LINGO2: variants seen among roughly 807,000 people sequenced by gnomAD.
LINGO2 encodes the protein leucine rich repeat and Ig domain containing 2, also known as leucine-rich repeat and immunoglobulin-like domain-containing nogo receptor-interacting protein 2.
Under a neutral mutation model 30.6 loss-of-function variants are expected in LINGO2, and 14 were observed. The observed-to-expected ratio is 0.46, with a 90% CI of 0.30 to 0.72. LINGO2 has a LOEUF of 0.72. Among genes scored for constraint, LINGO2 ranks in the 30% least tolerant of loss-of-function variants. The pLI is 0.07. For synonymous variants in LINGO2, 317 were observed against 288.5 expected, an observed-to-expected ratio of 1.10 and a Z score of -1.00; for missense variants, 729 against 751.7, an observed-to-expected ratio of 0.97 and a Z score of 0.35.
the LINGO2 span, among the ~76,000 whole-genome samples, chr9:29,119,064 C>T: frequency 6.6e-6 from 1 of 152,174 alleles, no homozygotes; most frequent in East Asian, 1.9e-4. Context: ...GCTGAGGACC[C>T]TGAAGCAACC....
chr9:28,344,545 T>C (rs554738603), intron 3 of LINGO2, among the ~76,000 whole-genome samples: 2 of 152,252 alleles, frequency 1.3e-5, no homozygotes, highest in East Asian at 3.9e-4. Context: ...TACATAGAAA[T>C]ATGGAGACTG....
chr9:29,009,008 A>G, the LINGO2 span, among the ~76,000 whole-genome samples: 10 of 152,192 alleles, frequency 6.6e-5, no homozygotes, highest in Non-Finnish European at 1.2e-4. Flanking sequence ...AACTCTCAAT[A>G]AATTAGGTAT....
the LINGO2 span, among the ~76,000 whole-genome samples, chr9:28,993,724 A>G: frequency 2.0e-5 from 3 of 149,928 alleles, no homozygotes; most frequent in Non-Finnish European, 3.0e-5. Context: ...ACGCAAATCA[A>G]TAAATGTAAT....
chr9:28,682,989 A>T, the LINGO2 span, among the ~76,000 whole-genome samples: 1 of 152,096 alleles, frequency 6.6e-6, no homozygotes, highest in Admixed American at 6.6e-5. Flanking sequence ...GATGGTAAGT[A>T]TTCCCACTTT....
intron 1 of LINGO2, among the ~76,000 whole-genome samples, chr9:28,552,872 T>C (rs1236320354): frequency 1.3e-5 from 2 of 151,596 alleles, no homozygotes; most frequent in East Asian, 3.9e-4. Context: ...TACACTATCT[T>C]AGTTTCCAAC....
At chr9:27,966,742 AAAAG>A (rs1820120847) in intron 5 of LINGO2, among the ~76,000 whole-genome samples, 1 of 151,856 alleles carries the variant, frequency 6.6e-6, no homozygotes, top group African/African-American at 2.4e-5. Flanking sequence ...TAAAATTAAA[AAAAG>A]AAAAAAAATA....
chr9:28,938,803 CCTGT>C, the LINGO2 span, among the ~76,000 whole-genome samples: 1 of 151,918 alleles, frequency 6.6e-6, no homozygotes, highest in African/African-American at 2.4e-5. Flanking sequence ...AGAATGTATC[CCTGT>C]CTGTAAGTGA....
chr9:28,553,730 G>C (rs375065611), intron 1 of LINGO2, among the ~76,000 whole-genome samples: 2,507 of 151,922 alleles, frequency 0.017, 55 homozygotes, highest in East Asian at 0.095. Context: ...AGGAAAAAAT[G>C]TTAAGGGCAG....
rs552186822 is a variant in LINGO2 at position 28,300,944 on chromosome 9, G to C, written c.-245-5578C>G. On this transcript the variant is annotated intron_variant, in intron 3 of 5. Transcript: ENST00000379992. ...AAATTGATCCTGATTGGTTTGGCTTGGCCTGGTCAACTTAGAACTCACAAA... is the reference window on the plus strand; with the variant it reads ...AAATTGATCCTGATTGGTTTGGCTTCGCCTGGTCAACTTAGAACTCACAAA... 1.5e-3 allele frequency among the ~76,000 whole-genome samples: 223 copies of C among 151,500 alleles called. 3 individuals are homozygous for C. Among genetic ancestry groups the C allele is most frequent in the African/African-American group, 5.3e-3 (218 of 40,940 alleles).
At chr9:28,653,332 T>C (rs994944228) in intron 1 of LINGO2, among the ~76,000 whole-genome samples, 2 of 152,076 alleles carry the variant, frequency 1.3e-5, no homozygotes, top group African/African-American at 2.4e-5. Context: ...AAAAAGACAA[T>C]GCTAGAGAAT....
At chr9:28,325,787 T>A (rs1193534281) in intron 3 of LINGO2, among the ~76,000 whole-genome samples, 2 of 152,104 alleles carry the variant, frequency 1.3e-5, no homozygotes, top group Non-Finnish European at 2.9e-5. Context: ...AGTGTGAAAA[T>A]GAACTAATAC....
chr9:28,015,310 G>C (rs555012538), intron 4 of LINGO2, among the ~76,000 whole-genome samples: 4 of 152,204 alleles, frequency 2.6e-5, no homozygotes, highest in East Asian at 3.9e-4. Flanking sequence ...TTGAGAAAAG[G>C]TTCCACTTCT....
At chr9:28,257,864 A>G (rs1822433547) in intron 4 of LINGO2, among the ~76,000 whole-genome samples, 1 of 151,828 alleles carries the variant, frequency 6.6e-6, no homozygotes, top group Non-Finnish European at 1.5e-5. Context: ...TCTTCTGTAT[A>G]TTCTAGAGCC....
At chr9:28,336,280 T>C (rs1362113713) in intron 3 of LINGO2, among the ~76,000 whole-genome samples, 2 of 152,152 alleles carry the variant, frequency 1.3e-5, no homozygotes, top group East Asian at 3.9e-4. Flanking sequence ...GTTTTGTTAA[T>C]GTTGAGTTTA....
chr9:28,943,957 C>T, the LINGO2 span, among the ~76,000 whole-genome samples: 1 of 152,180 alleles, frequency 6.6e-6, no homozygotes, highest in African/African-American at 2.4e-5. Flanking sequence ...CGGAAGAATG[C>T]ATGAGTTCAT....
intron 1 of LINGO2, among the ~76,000 whole-genome samples, chr9:28,504,846 A>G (rs1214457437): frequency 6.6e-6 from 1 of 151,888 alleles, no homozygotes; most frequent in African/African-American, 2.4e-5. Context: ...ACAGTGTGGG[A>G]TAAGTGTATT....
chr9:28,598,352 C>G lies in LINGO2; in HGVS notation c.-365+71848G>C, dbSNP rs1192755995. 3.5e-5 allele frequency among the ~76,000 whole-genome samples: 5 copies of G among 142,540 alleles called. No homozygotes were observed. In the South Asian group the frequency reaches 1.1e-3, roughly 32 times the overall value. 93.5% of individuals were successfully genotyped at this position (142,540 alleles called of 152,430 possible). ...TCTCACTTGAGAAAAATAAATAGCT[C>G]AGATGGAATTGTATATCAATAAAGG... On this transcript the variant is annotated intron_variant, in intron 1 of 5. Coordinates refer to ENST00000379992, the Ensembl canonical transcript of LINGO2.
At chr9:28,242,429 A>G (rs987445616) in intron 4 of LINGO2, among the ~76,000 whole-genome samples, 1 of 152,168 alleles carries the variant, frequency 6.6e-6, no homozygotes, top group African/African-American at 2.4e-5. Flanking sequence ...AAAGAGAAAA[A>G]AAATAAAAAG....
At chr9:29,093,695 C>T in the LINGO2 span, among the ~76,000 whole-genome samples, 1 of 136,382 alleles carries the variant, frequency 7.3e-6, no homozygotes, top group Non-Finnish European at 1.6e-5. Context: ...GTCAAGCAAT[C>T]CAGCAGCAGG....
Sources: allele counts gnomAD v4.1 joint callset (sites outside exome capture counted in the v4.1 genomes callset), GRCh38; gene constraint gnomAD v4.1.1; transcripts MANE v1.5; gene names NCBI Gene and HGNC (gene_info 2026-07-23, HGNC 2026-07-21).